Variants in AKAP19 observed in about 807,000 individuals in gnomAD.
AKAP19 encodes small A-kinase anchoring protein.
the AKAP19 span, among the ~76,000 whole-genome samples, chr2:189,996,362 T>G: frequency 6.6e-6 from 1 of 152,212 alleles, no homozygotes; most frequent in Non-Finnish European, 1.5e-5. Context: ...TGAAGTTCTT[T>G]CTTCTACTTG....
chr2:189,906,601 GT>G, the AKAP19 span, among the ~76,000 whole-genome samples: 2 of 152,038 alleles, frequency 1.3e-5, no homozygotes, highest in Non-Finnish European at 1.5e-5. Flanking sequence ...TGTACAGTGT[GT>G]ATTCCATTGT....
chr2:190,155,445 A>G, the AKAP19 span, among the ~76,000 whole-genome samples: 3 of 152,216 alleles, frequency 2.0e-5, no homozygotes, highest in African/African-American at 7.2e-5. Flanking sequence ...TGGTAGGTGA[A>G]AAAAAGAAGG....
chr2:190,144,194 AT>A, the AKAP19 span, among the ~76,000 whole-genome samples: 8 of 150,260 alleles, frequency 5.3e-5, no homozygotes, highest in African/African-American at 1.5e-4. Context: ...AAGAAAAAAA[AT>A]ATTAATAAAA....
the AKAP19 span, among the ~76,000 whole-genome samples, chr2:189,983,173 T>C: frequency 3.3e-5 from 5 of 152,178 alleles, no homozygotes; most frequent in African/African-American, 4.8e-5. Flanking sequence ...TTCCTTATTA[T>C]GCTCCTGTTG....
the AKAP19 span, among the ~76,000 whole-genome samples, chr2:189,939,189 G>A: frequency 6.6e-6 from 1 of 152,228 alleles, no homozygotes; most frequent in Non-Finnish European, 1.5e-5. Flanking sequence ...CAAAGGAGAT[G>A]CCAAATCAAT....
At chr2:189,981,998 C>T in the AKAP19 span, among the ~76,000 whole-genome samples, 1 of 151,980 alleles carries the variant, frequency 6.6e-6, no homozygotes, top group Non-Finnish European at 1.5e-5. Flanking sequence ...GGTCATCTTG[C>T]ATGGCATCTT....
the AKAP19 span, among the ~76,000 whole-genome samples, chr2:189,973,608 T>A: frequency 7.2e-5 from 11 of 152,232 alleles, no homozygotes; most frequent in Non-Finnish European, 1.5e-4. Context: ...TGAATCCATC[T>A]GGTCCTGGAC....
At chr2:190,038,938 T>TTCTTCTTCC in the AKAP19 span, among the ~76,000 whole-genome samples, 27 of 137,868 alleles carry the variant, frequency 2.0e-4, 1 homozygote, top group African/African-American at 8.2e-4. Flanking sequence ...CTTCTTCTTC[T>TTCTTCTTCC]TCTTCTTCTT....
the AKAP19 span, among the ~76,000 whole-genome samples, chr2:190,082,538 C>A: frequency 1.3e-5 from 2 of 152,162 alleles, no homozygotes; most frequent in Admixed American, 1.3e-4. Context: ...CTATACATGC[C>A]CACATCGAAA....
At chr2:189,924,025 G>C in the AKAP19 span, 7 of 1,565,642 alleles carry the variant, frequency 4.5e-6, no homozygotes, top group Non-Finnish European at 5.3e-6. Context: ...GCTCCGTGAA[G>C]AAAGATGAGA....
the AKAP19 span, among the ~76,000 whole-genome samples, chr2:189,943,562 G>A: frequency 3.9e-5 from 6 of 152,200 alleles, no homozygotes; most frequent in African/African-American, 9.6e-5. Flanking sequence ...TCCCCAATGG[G>A]ACACTGCCCA....
chr2:190,173,599 A>T, the AKAP19 span, among the ~76,000 whole-genome samples: 1 of 152,186 alleles, frequency 6.6e-6, no homozygotes, highest in South Asian at 2.1e-4. Flanking sequence ...AATCTCCCTC[A>T]TAGCTTCCCA....
At chr2:190,200,214 ACTGGTGTG>A in the AKAP19 span, 3 of 1,352,192 alleles carry the variant, frequency 2.2e-6, no homozygotes, top group Admixed American at 1.9e-5. Context: ...AAAAGCAAAA[ACTGGTGTG>A]AAAAAGTACA....
chr2:189,924,250 A>G, the AKAP19 span: 2 of 1,371,620 alleles, frequency 1.5e-6, no homozygotes, highest in Non-Finnish European at 2.1e-6. Context: ...TTATCCCATT[A>G]TTTCTTTACC....
the AKAP19 span, chr2:190,181,527 A>C: frequency 6.6e-6 from 1 of 152,184 alleles, no homozygotes; most frequent in African/African-American, 2.4e-5. Context: ...TGGGAGGCTG[A>C]ATATTGAGGT....
the AKAP19 span, among the ~76,000 whole-genome samples, chr2:190,167,697 C>T: frequency 1.3e-5 from 2 of 152,308 alleles, no homozygotes; most frequent in African/African-American, 4.8e-5. Flanking sequence ...GCCCAAAATC[C>T]AGCGGGGCAG....
the AKAP19 span, among the ~76,000 whole-genome samples, chr2:189,939,556 T>C: frequency 3.3e-4 from 50 of 152,150 alleles, no homozygotes; most frequent in Non-Finnish European, 4.4e-5. Flanking sequence ...GAGAACCTCC[T>C]CTAATGGATA....
the AKAP19 span, among the ~76,000 whole-genome samples, chr2:190,022,384 C>T: frequency 2.0e-5 from 3 of 152,098 alleles, no homozygotes; most frequent in South Asian, 6.2e-4. Context: ...TTATGAAAAT[C>T]ATGCACCCTA....
At chr2:190,025,024 G>T in the AKAP19 span, among the ~76,000 whole-genome samples, 1 of 152,202 alleles carries the variant, frequency 6.6e-6, no homozygotes, top group Non-Finnish European at 1.5e-5. Context: ...GTTCAAGGAG[G>T]AGGTATATTG....
Sources: gnomAD v4.1 joint callset for allele counts (sites outside exome capture counted in the v4.1 genomes callset) on GRCh38, gnomAD v4.1.1 for gene constraint, MANE v1.5 for transcripts, NCBI Gene and HGNC (gene_info 2026-07-23, HGNC 2026-07-21) for gene names.